Variants in RBM26 observed in about 807,000 individuals in gnomAD.
The protein encoded by RBM26 is RNA-binding protein 26.
Under a neutral mutation model 123.6 loss-of-function variants are expected in RBM26, and 30 were observed. The ratio of observed to expected loss-of-function variants is 0.24; its 90% confidence interval spans 0.18 to 0.33. RBM26 has a LOEUF of 0.33. Ranked by LOEUF, RBM26 falls within the 10% of genes least tolerant of loss-of-function variation. The pLI, the probability that RBM26 is intolerant of heterozygous loss-of-function variation, is 1.00. For missense variants in RBM26, 947 were observed against 1,203.6 expected, an observed-to-expected ratio of 0.79 and a Z score of 3.15; for synonymous variants, 400 against 404.4, an observed-to-expected ratio of 0.99 and a Z score of 0.13.
At chr13:79,380,749 A>G (rs1248520868) in intron 1 of RBM26, among the ~76,000 whole-genome samples, 1 of 152,040 alleles carries the variant, frequency 6.6e-6, no homozygotes, top group Non-Finnish European at 1.5e-5. Flanking sequence ...GTAATTTTGT[A>G]TCTGTTAACC....
intron 18 of RBM26, among the ~76,000 whole-genome samples, chr13:79,339,456 A>T (rs2071010600): frequency 6.6e-6 from 1 of 152,174 alleles, no homozygotes; most frequent in Non-Finnish European, 1.5e-5. Context: ...ATGTGGGGTG[A>T]TGGACATGTT....
intron 20 of RBM26, among the ~76,000 whole-genome samples, chr13:79,325,362 C>CTG (rs2068224943): frequency 6.6e-6 from 1 of 151,926 alleles, no homozygotes; most frequent in African/African-American, 2.4e-5. Flanking sequence ...CCTATGACAG[C>CTG]TGTGTGTGTG....
intron 20 of RBM26, among the ~76,000 whole-genome samples, chr13:79,329,886 T>C (rs1593978662): frequency 1.3e-5 from 2 of 152,166 alleles, no homozygotes. Flanking sequence ...AGAGCCAACC[T>C]ACGTTAAAAC....
intron 1 of RBM26, among the ~76,000 whole-genome samples, chr13:79,384,626 G>C (rs1284104372): frequency 6.6e-6 from 1 of 152,180 alleles, no homozygotes; most frequent in Non-Finnish European, 1.5e-5. Context: ...TAAAAGCATA[G>C]AAGTGACCAT....
intron 19 of RBM26, 109 bp downstream of exon 19, chr13:79,336,993 T>C: frequency 1.0e-6 from 1 of 1,001,336 alleles, no homozygotes; most frequent in Non-Finnish European, 1.5e-6. Flanking sequence ...TTTGTTCAGA[T>C]TAACGAGTTG....
At chr13:79,344,466 T>C (rs985397212) in intron 15 of RBM26, 144 bp from the exon 16 acceptor site, 102 of 826,442 alleles carry the variant, frequency 1.2e-4, no homozygotes, top group Non-Finnish European at 1.9e-4. Context: ...AAAATATGTA[T>C]GCAAGTTTCA....
chr13:79,328,846 TGA>T (rs1217421854), intron 20 of RBM26, among the ~76,000 whole-genome samples: 1 of 151,704 alleles, frequency 6.6e-6, no homozygotes, highest in Non-Finnish European at 1.5e-5. Context: ...AAAACCTAAA[TGA>T]GTTTCTATTT....
Position 79,344,796 on chromosome 13 carries a change from T to A in RBM26, c.2059-2A>T. 1 of 1,608,468 alleles carries A rather than the reference T, an allele frequency of 6.2e-7. No individual in the cohort carries two copies. The highest frequency in any genetic ancestry group is 8.5e-7 in the Non-Finnish European group (1 of 1,178,116). On this transcript the variant is annotated splice_acceptor_variant, in intron 14 of 21. Transcript: ENST00000438737. LOFTEE classifies it high-confidence loss of function. ...TAGGCCAGTAGATGTAGACAACACCTACCAATACAAATTCAACTTTTAAAA... is the reference window on the plus strand; with the variant it reads ...TAGGCCAGTAGATGTAGACAACACCAACCAATACAAATTCAACTTTTAAAA...
At position 79,337,203 on chromosome 13, in the gene RBM26, G is replaced by C. The variant is rs2070578834; in HGVS notation, c.2632C>G (p.Arg878Gly). 2 of 1,613,948 alleles carry C rather than the reference G, an allele frequency of 1.2e-6. No individual in the cohort carries two copies. Among genetic ancestry groups the C allele is most frequent in the Non-Finnish European group, 1.7e-6 (2 of 1,179,962 alleles). ...ACCACAGCATGACCAGGCACACCTC[G>C]CCCTCGCCCTCGCCCCCTGCCTCGG... The part of the protein sequence containing the change: ...HGRGRGRGRG[R>G]GVPGHAVVDH... Residue 878 changes from arginine to glycine, a missense_variant, in exon 19 of 22, where the codon CGA becomes GGA. This residue lies in a region of RBM26 where 164 missense variants were observed against 215.3 expected (regional missense o/e 0.76). Coordinates refer to ENST00000438737, the MANE Select transcript of RBM26 (RefSeq NM_001366735.2).
Position 79,320,715 on chromosome 13 carries a change from A to G in RBM26, c.2935-5T>C. On this transcript the variant is annotated splice_polypyrimidine_tract_variant and splice_region_variant and intron_variant, in intron 21 of 21. Transcript: ENST00000438737. ...CACCAAAGACTCTTCCTGAAACTTT[A>G]GGTTAAAATGTATTTAGGAATTTAC... The G allele has an allele frequency of 4.6e-6, 7 of 1,524,328 alleles. No homozygotes were observed. Among genetic ancestry groups the G allele is most frequent in the Non-Finnish European group, 6.2e-6 (7 of 1,132,914 alleles). 94.4% of individuals were successfully genotyped at this position (1,524,328 alleles called of 1,614,324 possible). A position where few individuals can be genotyped will look rare whatever the true frequency, so the allele number is the denominator to read the frequency against.
chr13:79,389,652 C>A (rs2077774554), intron 1 of RBM26: 1 of 152,106 alleles, frequency 6.6e-6, no homozygotes, highest in Non-Finnish European at 1.5e-5. Context: ...TGCAAAAACA[C>A]TGGATTTCAG....
In RBM26 at chr13:79,360,673, C is replaced by T. The variant is rs764517854; in HGVS notation, c.1418-987G>A. Reference sequence around the variant, plus strand: ...GCTGCTTTTAAATATGGAATAGACTCATAAAATATGAATGTAATGAAAGCA... The same window carrying T: ...GCTGCTTTTAAATATGGAATAGACTTATAAAATATGAATGTAATGAAAGCA... On this transcript the variant is annotated intron_variant, in intron 9 of 21. Transcript: ENST00000438737. 5.3e-5 allele frequency among the ~76,000 whole-genome samples: 8 copies of T among 150,934 alleles called. No individual in the cohort carries two copies. In the East Asian group the frequency reaches 1.5e-3, roughly 29 times the overall value.
intron 1 of RBM26, among the ~76,000 whole-genome samples, chr13:79,399,175 C>G (rs997983797): frequency 6.6e-6 from 1 of 152,164 alleles, no homozygotes; most frequent in East Asian, 1.9e-4. Context: ...TCTGGAAGAA[C>G]TGGAATCACA....
chr13:79,402,748 C>T (rs2079158663), intron 1 of RBM26, among the ~76,000 whole-genome samples: 1 of 152,122 alleles, frequency 6.6e-6, no homozygotes, highest in Admixed American at 6.5e-5. Context: ...TTCATCCTTC[C>T]AAGCTGAGAT....
chr13:79,350,070 G>A (rs1465975982), intron 14 of RBM26, among the ~76,000 whole-genome samples: 2 of 152,128 alleles, frequency 1.3e-5, no homozygotes, highest in Non-Finnish European at 2.9e-5. Context: ...AACATATTAA[G>A]ATTTGCTTAG....
At chr13:79,317,718 T>A (rs1593838269), downstream of RBM26, among the ~76,000 whole-genome samples, 3 of 151,756 alleles carry the variant, frequency 2.0e-5, no homozygotes, top group African/African-American at 7.2e-5. Flanking sequence ...TAAGCCTACA[T>A]ATGTGTATAC....
intron 1 of RBM26, among the ~76,000 whole-genome samples, chr13:79,381,045 TAATTACTAACACTTACTCAAC>T (rs1178791298): frequency 3.3e-4 from 50 of 152,250 alleles, no homozygotes; most frequent in Admixed American, 1.2e-3. Flanking sequence ...TAGCAGTAGT[TAATTACTAACACTTACTCAAC>T]AATTACTAAC....
chr13:79,318,745 A>G (rs1454060473), downstream of RBM26: 1 of 964,922 alleles, frequency 1.0e-6, no homozygotes, highest in Non-Finnish European at 1.2e-6. Context: ...GCTAAAACAT[A>G]CTAATCAAAT....
chr13:79,375,783 ATAT>A (rs1221121354), intron 3 of RBM26, among the ~76,000 whole-genome samples: 2 of 151,824 alleles, frequency 1.3e-5, no homozygotes, highest in Middle Eastern at 3.4e-3. Flanking sequence ...TTGAGATTAC[ATAT>A]TATAATATAT....
Sources: gnomAD v4.1 joint callset for allele counts (sites outside exome capture counted in the v4.1 genomes callset) on GRCh38, gnomAD v4.1.1 for gene constraint, gnomAD v4.1.1 regional missense constraint, MANE v1.5 for transcripts, NCBI Gene and HGNC (gene_info 2026-07-23, HGNC 2026-07-21) for gene names.